Variants in RGL1 observed in about 807,000 individuals in gnomAD.
RGL1 encodes the protein ral guanine nucleotide dissociation stimulator like 1, also known as ral guanine nucleotide dissociation stimulator-like 1.
In RGL1, 24 loss-of-function variants were observed where a neutral mutation model predicts 95.2. That is an observed-to-expected ratio of 0.25 (90% CI 0.18 to 0.35). RGL1 has a LOEUF of 0.35. Ranked by LOEUF, RGL1 falls within the 10% of genes least tolerant of loss-of-function variation. The pLI, the probability that RGL1 is intolerant of heterozygous loss-of-function variation, is 1.00. For missense variants in RGL1, 715 were observed against 936.3 expected, an observed-to-expected ratio of 0.76 and a Z score of 3.08; for synonymous variants, 329 against 344.9, an observed-to-expected ratio of 0.95 and a Z score of 0.51.
chr1:183,784,276 A>G (rs1040720140), intron 2 of RGL1, among the ~76,000 whole-genome samples: 4 of 152,198 alleles, frequency 2.6e-5, no homozygotes, highest in Non-Finnish European at 4.4e-5. Flanking sequence ...GACAAGTCTC[A>G]AGGAGGGAAG....
intron 2 of RGL1, among the ~76,000 whole-genome samples, chr1:183,771,864 G>A (rs1558197823): frequency 6.6e-6 from 1 of 152,220 alleles, no homozygotes; most frequent in Non-Finnish European, 1.5e-5. Context: ...AGAGACAGAA[G>A]TGGCTGGACG....
Position 183,847,716 on chromosome 1 carries a change from C to A in RGL1, c.289C>A (p.Leu97Ile). 6.2e-7 allele frequency: 1 copy of A among 1,614,116 alleles called. No individual in the cohort carries two copies. ...TGACTTTACCTATATCAGCATCTTT[C>A]TTTCAACGTACAGAGGCTTTGCCTC... ...DNDFTYISIF[L>I]STYRGFASTK... The change falls in exon 3 of 18, where the codon CTT (leucine) becomes ATT (isoleucine). Residue 97 changes from leucine (L) to isoleucine (I), a missense_variant. Physicochemically the swap from Leu to Ile is conservative, Grantham distance 5. Transcript: ENST00000360851.
chr1:183,824,300 C>T (rs1662702715), intron 2 of RGL1, among the ~76,000 whole-genome samples: 1 of 152,152 alleles, frequency 6.6e-6, no homozygotes, highest in Admixed American at 6.5e-5. Flanking sequence ...ATCACATCTG[C>T]TTCTCCTTTT....
intron 2 of RGL1, among the ~76,000 whole-genome samples, chr1:183,818,647 C>T (rs897429031): frequency 2.6e-5 from 4 of 152,132 alleles, no homozygotes; most frequent in African/African-American, 9.7e-5. Context: ...AGGGCGGGGG[C>T]CATATTTAAT....
At chr1:183,857,501 G>T (rs1313565925) in intron 3 of RGL1, among the ~76,000 whole-genome samples, 2 of 152,140 alleles carry the variant, frequency 1.3e-5, no homozygotes, top group East Asian at 3.8e-4. Flanking sequence ...GTGGCCATAG[G>T]CTCAAGGATG....
chr1:183,885,468 T>C (rs1247712656), intron 7 of RGL1, among the ~76,000 whole-genome samples: 1 of 152,212 alleles, frequency 6.6e-6, no homozygotes, highest in Non-Finnish European at 1.5e-5. Flanking sequence ...TCTGAGGTCA[T>C]GTCTCATATT....
At chr1:183,869,000 C>T (rs1413433356) in intron 4 of RGL1, among the ~76,000 whole-genome samples, 1 of 152,158 alleles carries the variant, frequency 6.6e-6, no homozygotes, top group Admixed American at 6.5e-5. Context: ...TGCCTGTAGT[C>T]CCAGTTACTT....
intron 1 of RGL1, among the ~76,000 whole-genome samples, chr1:183,698,185 T>TCCACTGA (rs1654361770): frequency 6.6e-6 from 1 of 152,258 alleles, no homozygotes; most frequent in Non-Finnish European, 1.5e-5. Flanking sequence ...ATCCTGGCTT[T>TCCACTGA]CCACTGACAG....
chr1:183,841,443 G>A (rs1316899433), intron 2 of RGL1, among the ~76,000 whole-genome samples: 5 of 152,168 alleles, frequency 3.3e-5, no homozygotes. Flanking sequence ...TATTAGGTTA[G>A]CACAAAGGTG....
rs959855635 is a variant in RGL1 at position 183,926,331 on chromosome 1, G to A, written c.*39G>A. ...TGGCCCCTTGTTTGCCAAAGGCAGA[G>A]TGGGGCTGAGAAACAGGCTGCGGTG... On this transcript the variant is annotated 3_prime_UTR_variant, in exon 18 of 18. Transcript: ENST00000360851. 1 of 1,557,264 alleles carries A rather than the reference G, an allele frequency of 6.4e-7. No homozygotes were observed. Among genetic ancestry groups the A allele is most frequent in the Admixed American group, 1.9e-5 (1 of 53,012 alleles).
chr1:183,868,727 G>T lies in RGL1; in HGVS notation c.425+2654G>T, dbSNP rs556894262. ...AGACTTGTGAGCAGATTCAGAAATA[G>T]ACATGTTATTATACACATATTTTGG... is the stretch of plus-strand genomic sequence containing the variant. On this transcript the variant is annotated intron_variant, in intron 4 of 17. Transcript: ENST00000360851. Among the ~76,000 whole-genome samples, 75 of 152,310 alleles carry T rather than the reference G, an allele frequency of 4.9e-4. No homozygotes were observed. The South Asian group carries it at 0.013, about 27-fold the overall frequency.
chr1:183,788,053 G>A (rs1660265948), intron 2 of RGL1, among the ~76,000 whole-genome samples: 1 of 152,120 alleles, frequency 6.6e-6, no homozygotes, highest in Non-Finnish European at 1.5e-5. Flanking sequence ...AATGGACTAG[G>A]AAAGAAGCCC....
At chr1:183,666,094 C>T (rs1652019047) in intron 1 of RGL1, among the ~76,000 whole-genome samples, 1 of 151,012 alleles carries the variant, frequency 6.6e-6, no homozygotes, top group Non-Finnish European at 1.5e-5. Context: ...CAACCTCTGC[C>T]TCCTGGGTTC....
chr1:183,757,663 AT>A (rs1658428712), intron 2 of RGL1, among the ~76,000 whole-genome samples: 1 of 152,210 alleles, frequency 6.6e-6, no homozygotes, highest in Admixed American at 6.5e-5. Context: ...AGAAAATATC[AT>A]TTATTGAGCA....
intron 4 of RGL1, among the ~76,000 whole-genome samples, chr1:183,868,073 T>C (rs1323145115): frequency 6.6e-6 from 1 of 152,174 alleles, no homozygotes; most frequent in Non-Finnish European, 1.5e-5. Context: ...GGGGAAGGCC[T>C]CTTGGAGGAG....
rs527290086 is a variant in RGL1, at chr1:183,753,822, A to G, written c.132+11533A>G. ...GTAGTGTTGCCTAACAATATTAAAT[A>G]TAGTGATTTTGTATTCTGAGTGTGG... On this transcript the variant is annotated intron_variant, in intron 2 of 18. Transcript: ENST00000304685. Among the ~76,000 whole-genome samples the G allele has an allele frequency of 1.8e-3, 275 of 152,320 alleles. 1 individual carries two copies. The highest frequency in any genetic ancestry group is 6.3e-3 in the African/African-American group (261 of 41,578).
At chr1:183,636,467 C>G in exon 1 of RGL1, 1 of 306,066 alleles carries the variant, frequency 3.3e-6, no homozygotes, top group Non-Finnish European at 6.0e-6. Flanking sequence ...TGCTGTGTGA[C>G]AGCATCGCAA....
chr1:183,647,997 G>A, intron 1 of RGL1: 1 of 1,614,196 alleles, frequency 6.2e-7, no homozygotes, highest in Admixed American at 1.7e-5. Context: ...ATTGTTTAAG[G>A]GGTAGCTCTC....
chr1:183,750,182 G>A (rs948267427), intron 2 of RGL1, among the ~76,000 whole-genome samples: 11 of 152,078 alleles, frequency 7.2e-5, no homozygotes, highest in Non-Finnish European at 1.5e-4. Flanking sequence ...TCTCCCCATC[G>A]CTTTCAGGTA....
Sources: allele counts gnomAD v4.1 joint callset (sites outside exome capture counted in the v4.1 genomes callset), GRCh38; gene constraint gnomAD v4.1.1; transcripts MANE v1.5; gene names NCBI Gene and HGNC (gene_info 2026-07-23, HGNC 2026-07-21).